The following MGMT variants were observed in gnomAD, a reference collection of about 807,000 sequenced individuals.
MGMT encodes methylated-DNA--protein-cysteine methyltransferase.
Under a neutral mutation model 15.9 loss-of-function variants are expected in MGMT, and 14 were observed. The ratio of observed to expected loss-of-function variants is 0.88; its 90% CI spans 0.58 to 1.37. MGMT has a LOEUF of 1.37. MGMT is among the 40% of genes most tolerant of loss of function. The pLI, the probability that MGMT is intolerant of heterozygous loss-of-function variation, is 0.00. For synonymous variants in MGMT, 130 were observed against 118.2 expected, an observed-to-expected ratio of 1.10 and a Z score of -0.65; for missense variants, 282 against 268.1, an observed-to-expected ratio of 1.05 and a Z score of -0.36.
chr10:129,575,907 C>T (rs1846476534), intron 2 of MGMT, among the ~76,000 whole-genome samples: 1 of 152,084 alleles, frequency 6.6e-6, no homozygotes, highest in Admixed American at 6.5e-5. Flanking sequence ...CTATAAACAC[C>T]TCTATGCAAA....
intron 2 of MGMT, among the ~76,000 whole-genome samples, chr10:129,699,527 A>G (rs967078532): frequency 3.3e-5 from 5 of 152,216 alleles, no homozygotes; most frequent in East Asian, 1.9e-4. Flanking sequence ...ACTTAATTTT[A>G]AATGGCCTCT....
chr10:129,642,310 G>A (rs1175229502), intron 2 of MGMT, among the ~76,000 whole-genome samples: 1 of 151,782 alleles, frequency 6.6e-6, no homozygotes, highest in Non-Finnish European at 1.5e-5. Flanking sequence ...CAGAAACAGT[G>A]GGGGAGCTTC....
At chr10:129,570,244 T>C (rs1275033417) in intron 2 of MGMT, among the ~76,000 whole-genome samples, 2 of 152,272 alleles carry the variant, frequency 1.3e-5, no homozygotes, top group African/African-American at 4.8e-5. Context: ...CTATGTTACT[T>C]TGTATCCTTA....
chr10:129,545,561 A>G lies in MGMT; in HGVS notation c.125+9184A>G, dbSNP rs534129467. On this transcript the variant is annotated intron_variant, in intron 2 of 4. Transcript: ENST00000651593. ...GAGAAAAAGCTGAGATGAAACAAAA[A>G]TGGTGGTGGCAGTTACCCAGGGCCA... 5.9e-5 allele frequency among the ~76,000 whole-genome samples: 9 copies of G among 152,322 alleles called. No individual in the cohort carries two copies. The East Asian group carries it at 1.5e-3, about 26-fold the overall frequency.
chr10:129,475,765 G>C (rs1172827609), intron 1 of MGMT, among the ~76,000 whole-genome samples: 2 of 152,230 alleles, frequency 1.3e-5, no homozygotes, highest in Admixed American at 6.5e-5. Flanking sequence ...TTGCTGAGGA[G>C]GTTGCTTCCA....
chr10:129,606,502 C>A (rs962576396), intron 2 of MGMT, among the ~76,000 whole-genome samples: 1 of 152,222 alleles, frequency 6.6e-6, no homozygotes, highest in Non-Finnish European at 1.5e-5. Context: ...CACCGAGGGC[C>A]TCCGCACCCG....
chr10:129,766,854 G>C lies in MGMT; in HGVS notation c.481G>C (p.Gly161Arg). The change falls in exon 5 of 5, where the codon GGA becomes CGA. Residue 161 changes from glycine (G) to arginine (R), a missense_variant. Coordinates refer to ENST00000651593, the MANE Select transcript of MGMT (RefSeq NM_002412.5). ...CGGAGCCGTGGGCAACTACTCCGGA[G>C]GACTGGCCGTGAAGGAATGGCTTCT... ...SSGAVGNYSG[G>R]LAVKEWLLAH... 1.2e-6 allele frequency: 2 copies of C among 1,613,794 alleles called. No individual in the cohort carries two copies. The highest frequency in any genetic ancestry group is 2.7e-5 in the African/African-American group (2 of 75,076).
intron 2 of MGMT, among the ~76,000 whole-genome samples, chr10:129,553,313 A>T (rs1262130207): frequency 6.6e-6 from 1 of 152,172 alleles, no homozygotes; most frequent in Admixed American, 6.5e-5. Flanking sequence ...ACAAAGTCAG[A>T]TTTCTGCGTG....
chr10:129,562,028 C>T (rs1846286327), intron 2 of MGMT, among the ~76,000 whole-genome samples: 1 of 152,110 alleles, frequency 6.6e-6, no homozygotes, highest in Non-Finnish European at 1.5e-5. Flanking sequence ...GCTTAGCATG[C>T]AGATAAAAGG....
intron 2 of MGMT, among the ~76,000 whole-genome samples, chr10:129,580,723 C>G (rs571969344): frequency 6.6e-6 from 1 of 152,240 alleles, no homozygotes; most frequent in African/African-American, 2.4e-5. Context: ...CCACAGACAC[C>G]CCATGATTGG....
At chr10:129,732,156 T>A (rs1356183079) in intron 3 of MGMT, among the ~76,000 whole-genome samples, 1 of 109,502 alleles carries the variant, frequency 9.1e-6, no homozygotes, top group Admixed American at 1.1e-4. Flanking sequence ...CCTCCTTTTT[T>A]AAATTTTTTT....
chr10:129,635,470 G>C (rs1015236931), intron 2 of MGMT, among the ~76,000 whole-genome samples: 1 of 152,166 alleles, frequency 6.6e-6, no homozygotes, highest in African/African-American at 2.4e-5. Flanking sequence ...ATCTGTCTCT[G>C]TACTTTGCTC....
intron 2 of MGMT, among the ~76,000 whole-genome samples, chr10:129,628,598 C>G (rs564001015): frequency 1.3e-5 from 2 of 152,130 alleles, no homozygotes; most frequent in African/African-American, 4.8e-5. Context: ...CATCCCAGTA[C>G]AAAAACCAGT....
rs1847388952 is a variant in MGMT, at chr10:129,646,397, C to A, written c.126-61498C>A. Among the ~76,000 whole-genome samples the A allele has an allele frequency of 2.6e-5, 4 of 152,106 alleles. 1 individual carries two copies. Among genetic ancestry groups the A allele is most frequent in the African/African-American group, 9.7e-5 (4 of 41,418 alleles). On this transcript the variant is annotated intron_variant, in intron 2 of 4. Coordinates refer to ENST00000651593, the MANE Select transcript of MGMT (RefSeq NM_002412.5). Reference sequence around the variant, plus strand: ...TGTCACCCTTGTTTTAGGGAGCCTACATGGCACCTAAGACTCAAATTTACA... The same window carrying A: ...TGTCACCCTTGTTTTAGGGAGCCTAAATGGCACCTAAGACTCAAATTTACA...
intron 2 of MGMT, among the ~76,000 whole-genome samples, chr10:129,613,576 G>T (rs524545): frequency 0.45 from 68,077 of 152,130 alleles, 16,361 homozygotes; most frequent in East Asian, 0.64. Context: ...AATATGCTGT[G>T]TCATCAAAGG....
intron 2 of MGMT, among the ~76,000 whole-genome samples, chr10:129,572,464 A>G (rs1846431203): frequency 1.3e-5 from 2 of 152,318 alleles, no homozygotes; most frequent in South Asian, 4.1e-4. Context: ...TTCCTGCTCT[A>G]CTTACTTAGA....
chr10:129,728,416 A>G (rs551634742), intron 3 of MGMT, among the ~76,000 whole-genome samples: 1 of 152,244 alleles, frequency 6.6e-6, no homozygotes, highest in East Asian at 1.9e-4. Flanking sequence ...GGAAGGGGCC[A>G]AGGGGGCGGA....
At chr10:129,707,624 A>AC (rs1038846266) in intron 2 of MGMT, among the ~76,000 whole-genome samples, 1 of 152,222 alleles carries the variant, frequency 6.6e-6, no homozygotes, top group Admixed American at 6.5e-5. Context: ...TGTAAGTCTT[A>AC]CAAAGGGACA....
intron 3 of MGMT, among the ~76,000 whole-genome samples, chr10:129,737,342 G>T (rs1369099264): frequency 1.3e-5 from 2 of 152,190 alleles, no homozygotes; most frequent in East Asian, 3.9e-4. Context: ...CCAGTTGATT[G>T]CATCGGCTCC....
Sources: allele counts gnomAD v4.1 joint callset (sites outside exome capture counted in the v4.1 genomes callset), GRCh38; gene constraint gnomAD v4.1.1; transcripts MANE v1.5; gene names NCBI Gene and HGNC (gene_info 2026-07-23, HGNC 2026-07-21).